The following CAMKK2 variants were observed in gnomAD, a reference collection of about 807,000 sequenced individuals.
CAMKK2 encodes calcium/calmodulin dependent protein kinase kinase 2, also known as calcium/calmodulin-dependent protein kinase kinase 2.
CAMKK2 carries 30 observed loss-of-function variants against 67.2 expected under a neutral mutation model. The observed-to-expected ratio is 0.45, with a 90% CI of 0.33 to 0.61. CAMKK2 has a LOEUF of 0.61. CAMKK2 is among the 20% of genes least tolerant of loss of function. The pLI is 0.02. For synonymous variants in CAMKK2, 322 were observed against 326.2 expected, an observed-to-expected ratio of 0.99 and a Z score of 0.14; for missense variants, 643 against 802.0, an observed-to-expected ratio of 0.80 and a Z score of 2.39.
At chr12:121,284,729 G>C (rs1222820823) in intron 1 of CAMKK2, among the ~76,000 whole-genome samples, 1 of 152,228 alleles carries the variant, frequency 6.6e-6, no homozygotes, top group Non-Finnish European at 1.5e-5. Flanking sequence ...TCTCTAACAA[G>C]GGATTTGGGC....
chr12:121,250,072 G>T, intron 11 of CAMKK2, 38 bp from the exon 12 acceptor site: 1 of 1,531,422 alleles, frequency 6.5e-7, no homozygotes, highest in Non-Finnish European at 9.0e-7. Flanking sequence ...AGTCAATGGC[G>T]GCCACATCTG....
chr12:121,273,909 G>GC lies in CAMKK2; in HGVS notation c.471+146dup, dbSNP rs141537049. 5.3e-3 allele frequency: 3,174 copies of GC among 601,156 alleles called. 65 individuals carry two copies. The highest frequency in any genetic ancestry group is 0.052 in the African/African-American group (2,781 of 53,252). The allele number at this position is 601,156 out of a possible 1,614,324, so 37.2% of individuals were successfully genotyped here. On this transcript the variant is annotated intron_variant, in intron 2 of 16. Coordinates refer to ENST00000404169, the MANE Select transcript of CAMKK2 (RefSeq NM_001270485.2). Reference sequence around the variant, plus strand: ...CTAGGGCCCCTTTTTGGCCCCAGCCGCCCCCAAGGTTCCCTGGAGTCAACT... The same window carrying GC: ...CTAGGGCCCCTTTTTGGCCCCAGCCGCCCCCCAAGGTTCCCTGGAGTCAACT...
At chr12:121,255,262 T>TTATATATATATAATTATATATA (rs1891761672) in intron 9 of CAMKK2, among the ~76,000 whole-genome samples, 3 of 18,918 alleles carry the variant, frequency 1.6e-4, no homozygotes, top group African/African-American at 3.8e-4. Flanking sequence ...ATATATATAA[T>TTATATATATATAATTATATATA]TTTATATATA....
intron 10 of CAMKK2, among the ~76,000 whole-genome samples, chr12:121,252,938 G>C (rs1370901420): frequency 6.6e-6 from 1 of 152,320 alleles, no homozygotes; most frequent in East Asian, 1.9e-4. Flanking sequence ...CATGACCCAT[G>C]TTGGGCCAAT....
chr12:121,268,946 T>C (rs1335078178), intron 4 of CAMKK2, among the ~76,000 whole-genome samples: 1 of 152,012 alleles, frequency 6.6e-6, no homozygotes, highest in African/African-American at 2.4e-5. Context: ...CTCTCTCAGC[T>C]GGGAAACCAC....
intron 16 of CAMKK2, chr12:121,244,141 A>C (rs755743601): frequency 1.2e-6 from 2 of 1,610,180 alleles, no homozygotes; most frequent in Non-Finnish European, 1.7e-6. Context: ...TAAACACATC[A>C]AAGAAAGAGA....
At chr12:121,260,602 G>A (rs975384973) in intron 6 of CAMKK2, 9 of 541,706 alleles carry the variant, frequency 1.7e-5, no homozygotes, top group East Asian at 3.3e-5. Flanking sequence ...TCAGGAGGTC[G>A]CAAAAGGGAG....
At chr12:121,248,797 C>T (rs1313744553) in intron 13 of CAMKK2, 63 bp from the exon 14 acceptor site, 41 of 1,596,024 alleles carry the variant, frequency 2.6e-5, no homozygotes, top group Non-Finnish European at 2.9e-5. Flanking sequence ...GCCCTGCCAG[C>T]GAGCGGAGCC....
chr12:121,291,073 G>C (rs1273280271), intron 1 of CAMKK2, among the ~76,000 whole-genome samples: 1 of 152,248 alleles, frequency 6.6e-6, no homozygotes, highest in Non-Finnish European at 1.5e-5. Flanking sequence ...ACCCGCCTTG[G>C]CCTCCCAAAG....
rs768544007 is a variant in CAMKK2 at position 121,285,380 on chromosome 12, G to A, written c.-59-10795C>T. Among the ~76,000 whole-genome samples, 8 of 152,208 alleles carry A rather than the reference G, an allele frequency of 5.3e-5. No homozygotes were observed. Among genetic ancestry groups the A allele is most frequent in the Non-Finnish European group, 8.8e-5 (6 of 68,034 alleles). On this transcript the variant is annotated intron_variant, in intron 1 of 16. Coordinates refer to ENST00000404169, the MANE Select transcript of CAMKK2 (RefSeq NM_001270485.2). This position sits in a 1 kb window ranked among gnomAD's most constrained non-coding sequence, Gnocchi z 4.1. Reference sequence around the variant, plus strand: ...TAGCCAGGTATGGTGGCGCATGCCTGTTATCCCAGCTACTCAGGAGGCTGA... The same window carrying A: ...TAGCCAGGTATGGTGGCGCATGCCTATTATCCCAGCTACTCAGGAGGCTGA...
intron 1 of CAMKK2, among the ~76,000 whole-genome samples, chr12:121,292,865 T>C (rs1046376651): frequency 6.7e-6 from 1 of 149,924 alleles, no homozygotes; most frequent in African/African-American, 2.5e-5. Context: ...TCTGCTCTGG[T>C]GGTTGAGGTA....
chr12:121,266,785 C>T (rs1214364005), intron 5 of CAMKK2, among the ~76,000 whole-genome samples: 1 of 152,114 alleles, frequency 6.6e-6, no homozygotes. Flanking sequence ...AGCCACCATG[C>T]CTGGCTGTTT....
At chr12:121,242,366 A>G (rs1039774635) in intron 16 of CAMKK2, among the ~76,000 whole-genome samples, 5 of 150,004 alleles carry the variant, frequency 3.3e-5, no homozygotes, top group African/African-American at 1.3e-4. Flanking sequence ...AAAGAAAGAA[A>G]GAAAGAAAGA....
Position 121,274,165 on chromosome 12 carries a change from C to G in CAMKK2, c.362G>C (p.Cys121Ser). 1 of 1,596,538 alleles carries G rather than the reference C, an allele frequency of 6.3e-7. No individual in the cohort carries two copies. The highest frequency in any genetic ancestry group is 8.5e-7 in the Non-Finnish European group (1 of 1,169,812). ...AGGSLDMNGR[C>S]ICPSLPYSPV... Reference sequence around the variant, plus strand: ...TGAGTAGGGCAGGGACGGGCAGATGCAGCGTCCGTTCATGTCCAGGCTGCC... The same window carrying G: ...TGAGTAGGGCAGGGACGGGCAGATGGAGCGTCCGTTCATGTCCAGGCTGCC... Residue 121 changes from cysteine (C) to serine (S), a missense_variant, in exon 2 of 17, where the codon TGC becomes TCC. Physicochemically the swap from Cys to Ser is moderately radical, Grantham distance 112. Coordinates refer to ENST00000404169, the MANE Select transcript of CAMKK2 (RefSeq NM_001270485.2).
At chr12:121,261,975 G>A (rs1429259532) in intron 6 of CAMKK2, among the ~76,000 whole-genome samples, 1 of 152,178 alleles carries the variant, frequency 6.6e-6, no homozygotes, top group East Asian at 1.9e-4. Context: ...TCCCCAAGAT[G>A]CTTCATGGAG....
chr12:121,266,789 G>C (rs1396361393), intron 5 of CAMKK2, among the ~76,000 whole-genome samples: 1 of 152,082 alleles, frequency 6.6e-6, no homozygotes, highest in Non-Finnish European at 1.5e-5. Context: ...ACCATGCCTG[G>C]CTGTTTGTTC....
intron 9 of CAMKK2, among the ~76,000 whole-genome samples, chr12:121,254,256 A>C (rs1891392513): frequency 6.6e-6 from 1 of 152,068 alleles, no homozygotes; most frequent in African/African-American, 2.4e-5. Context: ...TCAGGAGTTC[A>C]AGACCAGCCT....
chr12:121,255,831 T>C, intron 7 of CAMKK2, 27 bp from the exon 8 acceptor site: 2 of 1,612,248 alleles, frequency 1.2e-6, no homozygotes, highest in Non-Finnish European at 1.7e-6. Flanking sequence ...GGTGAAACTG[T>C]TACATGGGAA....
chr12:121,284,991 TC>T (rs913485160), intron 1 of CAMKK2, among the ~76,000 whole-genome samples: 16 of 152,200 alleles, frequency 1.1e-4, no homozygotes, highest in Non-Finnish European at 1.8e-4. Flanking sequence ...ATTTCTTCTG[TC>T]CCAAGGCCAC....
Sources: gnomAD v4.1 joint callset for allele counts (sites outside exome capture counted in the v4.1 genomes callset) on GRCh38, gnomAD v4.1.1 for gene constraint, Gnocchi (gnomAD v3.1) non-coding constraint, MANE v1.5 for transcripts, NCBI Gene and HGNC (gene_info 2026-07-23, HGNC 2026-07-21) for gene names.